Variants in SEC24B observed in about 807,000 individuals in gnomAD.
The protein encoded by SEC24B is SEC24 homolog B, COPII component.
Under a neutral mutation model 142.8 loss-of-function variants are expected in SEC24B, and 45 were observed. That is an observed-to-expected ratio of 0.32 (90% CI 0.25 to 0.40). The LOEUF is 0.40. Ranked by LOEUF, SEC24B falls within the 10% of genes least tolerant of loss-of-function variation. The pLI, the probability that SEC24B is intolerant of heterozygous loss-of-function variation, is 1.00. For missense variants in SEC24B, 1,409 were observed against 1,526.8 expected (o/e 0.92, Z 1.29); for synonymous variants, 574 against 568.2 (o/e 1.01, Z -0.15).
At chr4:109,509,297 T>C (rs1305054997) in intron 7 of SEC24B, among the ~76,000 whole-genome samples, 1 of 152,222 alleles carries the variant, frequency 6.6e-6, no homozygotes, top group Non-Finnish European at 1.5e-5. Context: ...TTCATAAAAT[T>C]TCTTGCCTGG....
At chr4:109,481,882 T>C (rs1200954999) in intron 4 of SEC24B, 101 bp downstream of exon 4, 3 of 791,492 alleles carry the variant, frequency 3.8e-6, no homozygotes, top group Non-Finnish European at 6.0e-6. Flanking sequence ...TCTTTGAAGA[T>C]TTAGCATGAT....
At chr4:109,453,668 C>T (rs1730367409) in intron 1 of SEC24B, among the ~76,000 whole-genome samples, 1 of 152,048 alleles carries the variant, frequency 6.6e-6, no homozygotes, top group Non-Finnish European at 1.5e-5. Context: ...ATATGCTCTA[C>T]AAACAATTTG....
At chr4:109,491,477 A>G (rs1735015532) in intron 5 of SEC24B, 70 bp downstream of exon 5, 4 of 1,128,570 alleles carry the variant, frequency 3.5e-6, no homozygotes, top group South Asian at 2.5e-5. Context: ...TCAAATGTGA[A>G]CATGTATTAC....
At position 109,463,247 on chromosome 4, in the gene SEC24B, T is replaced by C. The variant is rs773702405; in HGVS notation, c.480T>C (p.Asn160=). 2 of 1,614,162 alleles carry C rather than the reference T, an allele frequency of 1.2e-6. No homozygotes were observed. The highest frequency in any genetic ancestry group is 1.1e-5 in the South Asian group (1 of 91,084). Residue 160 remains asparagine, a synonymous_variant, in exon 2 of 24, where the codon AAT becomes AAC. Coordinates refer to ENST00000265175, the MANE Select transcript of SEC24B (RefSeq NM_006323.5). ...QPYSSFVNHY[N]SPAMYSASSS... ...ACTCCTCTTTTGTGAATCACTACAATAGTCCAGCCATGTACTCTGCCAGCT... is the reference window on the plus strand; with the variant it reads ...ACTCCTCTTTTGTGAATCACTACAACAGTCCAGCCATGTACTCTGCCAGCT...
intron 1 of SEC24B, among the ~76,000 whole-genome samples, chr4:109,451,881 A>G (rs1181148780): frequency 1.3e-5 from 2 of 152,244 alleles, no homozygotes; most frequent in Non-Finnish European, 2.9e-5. Context: ...TTTGTAATAC[A>G]GTTAGACTGA....
chr4:109,495,807 G>T (rs1361465455), intron 6 of SEC24B, among the ~76,000 whole-genome samples: 1 of 152,130 alleles, frequency 6.6e-6, no homozygotes, highest in Non-Finnish European at 1.5e-5. Context: ...CAGGCTCCCA[G>T]CTTGCTTGTC....
rs557195517 is a variant in SEC24B at position 109,475,007 on chromosome 4, C to CG, written c.1060+1821_1060+1822insG. 5.9e-3 allele frequency among the ~76,000 whole-genome samples: 896 copies of CG among 152,194 alleles called. 8 individuals are homozygous for CG. The highest frequency in any genetic ancestry group is 0.01 in the Middle Eastern group (3 of 294). ...AGATTGACAGAGGTTAGGTAACTTG[C>CG]CCAAGACTACAAGTTAATAAGTAGC... On this transcript the variant is annotated intron_variant, in intron 3 of 23. Coordinates refer to ENST00000265175, the MANE Select transcript of SEC24B (RefSeq NM_006323.5).
chr4:109,503,129 G>A (rs1288585057), intron 6 of SEC24B, among the ~76,000 whole-genome samples: 1 of 147,650 alleles, frequency 6.8e-6, no homozygotes, highest in Non-Finnish European at 1.5e-5. Flanking sequence ...GTGCGATCTT[G>A]GCTCACTGCA....
At chr4:109,462,491 TG>T (rs1731364467) in intron 1 of SEC24B, among the ~76,000 whole-genome samples, 1 of 152,304 alleles carries the variant, frequency 6.6e-6, no homozygotes, top group African/African-American at 2.4e-5. Flanking sequence ...TCTCTTTGGC[TG>T]TTGGCCAGAG....
At chr4:109,510,236 C>T (rs1737174956) in intron 8 of SEC24B, 125 bp downstream of exon 8, 1 of 473,964 alleles carries the variant, frequency 2.1e-6, no homozygotes, top group African/African-American at 2.0e-5. Flanking sequence ...ATAATCATTT[C>T]CATAACAACT....
At chr4:109,495,413 GA>G (rs1280253087) in intron 6 of SEC24B, among the ~76,000 whole-genome samples, 1 of 152,158 alleles carries the variant, frequency 6.6e-6, no homozygotes, top group Non-Finnish European at 1.5e-5. Flanking sequence ...TTGCAGCCAG[GA>G]AAATTTAGGA....
chr4:109,483,090 A>T (rs186331374), intron 4 of SEC24B, among the ~76,000 whole-genome samples: 2,860 of 141,794 alleles, frequency 0.02, 62 homozygotes, highest in African/African-American at 0.05. Context: ...ATATATATAT[A>T]TTTTTTTGAG....
intron 1 of SEC24B, among the ~76,000 whole-genome samples, chr4:109,446,614 A>G (rs1729487238): frequency 6.6e-6 from 1 of 152,254 alleles, no homozygotes; most frequent in Non-Finnish European, 1.5e-5. Flanking sequence ...ATGAAATACG[A>G]TAGATTTTCA....
At chr4:109,475,322 T>C (rs1732996314) in intron 3 of SEC24B, among the ~76,000 whole-genome samples, 1 of 152,328 alleles carries the variant, frequency 6.6e-6, no homozygotes, top group African/African-American at 2.4e-5. Flanking sequence ...GTGCGAATTG[T>C]CATTTGCATG....
At chr4:109,496,462 T>TC (rs951120436) in intron 6 of SEC24B, among the ~76,000 whole-genome samples, 4 of 151,884 alleles carry the variant, frequency 2.6e-5, no homozygotes, top group African/African-American at 9.7e-5. Flanking sequence ...AGAAAACTGT[T>TC]CTCAGTTGAC....
At position 109,516,502 on chromosome 4, in the gene SEC24B, A is replaced by G. The variant is rs1367545763; in HGVS notation, c.2014-26A>G. ...AAGAATAAATTGTACCTACCAAATA[A>G]CTTACTTTATTTTTATTCCTTTCAG... On this transcript the variant is annotated intron_variant, in intron 10 of 23. Transcript: ENST00000265175. 3.6e-6 allele frequency: 5 copies of G among 1,402,556 alleles called. No individual in the cohort carries two copies. In the South Asian group the frequency reaches 3.8e-5, roughly 11 times the overall value. The allele number at this position is 1,402,556 out of a possible 1,614,324, so 86.9% of individuals were successfully genotyped here. A position where few individuals can be genotyped will look rare whatever the true frequency, so the allele number is the denominator to read the frequency against.
intron 2 of SEC24B, among the ~76,000 whole-genome samples, chr4:109,465,826 A>G (rs1731798350): frequency 6.6e-6 from 1 of 152,174 alleles, no homozygotes; most frequent in Non-Finnish European, 1.5e-5. Context: ...TGTTTGAGTA[A>G]CTGCTCTAAT....
intron 4 of SEC24B, among the ~76,000 whole-genome samples, chr4:109,483,034 T>TTATATATATGTATTTATGTATTTATA (rs1733955297): frequency 2.8e-5 from 3 of 108,748 alleles, no homozygotes; most frequent in East Asian, 2.4e-4. Flanking sequence ...ATATATGTAT[T>TTATATATATGTATTTATGTATTTATA]TATATATATG....
intron 9 of SEC24B, among the ~76,000 whole-genome samples, chr4:109,513,165 G>C (rs1228104991): frequency 6.6e-6 from 1 of 150,956 alleles, no homozygotes; most frequent in African/African-American, 2.4e-5. Flanking sequence ...AGTAGAGATG[G>C]GGTTTTACCA....
Sources: allele counts gnomAD v4.1 joint callset (sites outside exome capture counted in the v4.1 genomes callset), GRCh38; gene constraint gnomAD v4.1.1; transcripts MANE v1.5; gene names NCBI Gene and HGNC (gene_info 2026-07-23, HGNC 2026-07-21).